The following PARD3B variants were observed in gnomAD, a reference collection of about 807,000 sequenced individuals.
The protein encoded by PARD3B is par-3 family cell polarity regulator beta, also known as partitioning defective 3 homolog B.
In PARD3B, 103 loss-of-function variants were observed where a neutral mutation model predicts 130.2. That is an observed-to-expected ratio of 0.79 (90% CI 0.67 to 0.93). The LOEUF is 0.93. PARD3B is among the 40% of genes least tolerant of loss of function. PARD3B has a pLI of 0.00. For missense variants in PARD3B, 1,609 were observed against 1,499.2 expected (o/e 1.07, Z -1.21); for synonymous variants, 583 against 553.2 (o/e 1.05, Z -0.76).
At chr2:205,156,240 C>A (rs849126) in intron 10 of PARD3B, among the ~76,000 whole-genome samples, 3 of 113,006 alleles carry the variant, frequency 2.7e-5, no homozygotes, top group African/African-American at 3.5e-5. Context: ...GGAAGGGGAA[C>A]ATCACACTCT....
chr2:205,371,545 G>A (rs937521280), intron 18 of PARD3B, among the ~76,000 whole-genome samples: 3 of 152,126 alleles, frequency 2.0e-5, no homozygotes, highest in African/African-American at 7.2e-5. Context: ...TCTGATTTGT[G>A]TACCTATCTA....
chr2:205,304,598 G>T (rs2042125020), intron 18 of PARD3B, among the ~76,000 whole-genome samples: 3 of 144,220 alleles, frequency 2.1e-5, no homozygotes, highest in African/African-American at 7.7e-5. Flanking sequence ...TTGCACCATT[G>T]TACTCCCGCC....
chr2:205,126,460 A>G (rs936620002), intron 10 of PARD3B, among the ~76,000 whole-genome samples: 9 of 152,142 alleles, frequency 5.9e-5, no homozygotes, highest in Non-Finnish European at 1.3e-4. Flanking sequence ...AGAAGTACTT[A>G]AAATGGTTTC....
At chr2:204,644,879 A>AAGGG (rs2035219295) in intron 1 of PARD3B, among the ~76,000 whole-genome samples, 1 of 152,214 alleles carries the variant, frequency 6.6e-6, no homozygotes. Context: ...AATAAACATA[A>AAGGG]ATGGCAAGTA....
intron 4 of PARD3B, among the ~76,000 whole-genome samples, chr2:205,080,840 A>G (rs549989913): frequency 6.6e-6 from 1 of 152,248 alleles, no homozygotes; most frequent in South Asian, 2.1e-4. Context: ...TTTATGGTAT[A>G]AAATTAGGTT....
At chr2:205,305,111 A>G (rs915144391) in intron 18 of PARD3B, among the ~76,000 whole-genome samples, 1 of 152,226 alleles carries the variant, frequency 6.6e-6, no homozygotes, top group African/African-American at 2.4e-5. Context: ...AAAAGACTGA[A>G]GAAAGCAGAA....
intron 2 of PARD3B, among the ~76,000 whole-genome samples, chr2:204,739,959 T>G (rs925904171): frequency 3.9e-5 from 6 of 151,960 alleles, no homozygotes; most frequent in Non-Finnish European, 7.4e-5. Context: ...TGTATTAGTT[T>G]CAAAGATATT....
intron 2 of PARD3B, among the ~76,000 whole-genome samples, chr2:204,803,043 A>C (rs781081557): frequency 6.6e-6 from 1 of 150,702 alleles, no homozygotes; most frequent in Admixed American, 6.6e-5. Flanking sequence ...GAAAGAAATG[A>C]AAGAAAATGC....
intron 1 of PARD3B, among the ~76,000 whole-genome samples, chr2:204,605,059 A>G (rs144458616): frequency 3.9e-4 from 60 of 152,270 alleles, no homozygotes; most frequent in South Asian, 1.0e-3. Flanking sequence ...GTACTACTTT[A>G]CAAGGTAACT....
chr2:204,898,004 A>T (rs1410579853), intron 2 of PARD3B, among the ~76,000 whole-genome samples: 3 of 152,076 alleles, frequency 2.0e-5, no homozygotes, highest in Non-Finnish European at 4.4e-5. Flanking sequence ...GAATAATGAA[A>T]AGCTCTGAAG....
intron 2 of PARD3B, among the ~76,000 whole-genome samples, chr2:204,770,325 C>G (rs2041309720): frequency 1.6e-5 from 2 of 128,868 alleles, no homozygotes; most frequent in Admixed American, 1.6e-4. Flanking sequence ...GAGTGAGATT[C>G]TTAATCCTGA....
Position 204,932,671 on chromosome 2 carries a change from A to C in PARD3B, c.223-32481A>C, listed in dbSNP as rs150235762. On this transcript the variant is annotated intron_variant, in intron 2 of 22. Transcript: ENST00000406610. The stretch of plus-strand genomic sequence containing the variant: ...AACGTAATAAACATTCTTTGGAAGT[A>C]AATGTGTCTAGGAATTGGACAGTAG... Among the ~76,000 whole-genome samples the C allele has an allele frequency of 3.2e-4, 49 of 152,324 alleles. No individual in the cohort carries two copies. In the East Asian group the frequency reaches 8.1e-3, roughly 25 times the overall value.
At chr2:204,588,641 C>CT (rs1391081931) in intron 1 of PARD3B, among the ~76,000 whole-genome samples, 2 of 152,228 alleles carry the variant, frequency 1.3e-5, no homozygotes, top group East Asian at 1.9e-4. Context: ...AGGTGCTTTT[C>CT]TTTTTCTTTT....
At chr2:205,080,010 T>A (rs1434437982) in intron 4 of PARD3B, among the ~76,000 whole-genome samples, 2 of 152,180 alleles carry the variant, frequency 1.3e-5, no homozygotes, top group Non-Finnish European at 2.9e-5. Flanking sequence ...GCCTTTTATC[T>A]GTGTACATTT....
chr2:204,846,766 T>C (rs1313206680), intron 2 of PARD3B, among the ~76,000 whole-genome samples: 3 of 151,452 alleles, frequency 2.0e-5, no homozygotes, highest in East Asian at 3.9e-4. Flanking sequence ...TACCTCCTTG[T>C]TGGATGAATG....
chr2:205,168,312 A>AGTGT lies in PARD3B; in HGVS notation c.1621-3898_1621-3897insTGTG, dbSNP rs1302070996. The stretch of plus-strand genomic sequence containing the variant: ...GGGAGAGAGAGAGAGAGAGAGAGAG[A>AGTGT]GAGAGAGAGTGTGTGTGTGTGAATA... On this transcript the variant is annotated intron_variant, in intron 11 of 22. Transcript: ENST00000406610. Among the ~76,000 whole-genome samples, 183 of 116,802 alleles carry AGTGT rather than the reference A, an allele frequency of 1.6e-3. 1 individual carries two copies. Among genetic ancestry groups the AGTGT allele is most frequent in the African/African-American group, 4.6e-3 (155 of 33,894 alleles). 76.6% of individuals were successfully genotyped at this position (116,802 alleles called of 152,430 possible).
At chr2:205,501,621 A>C (rs898434611) in intron 21 of PARD3B, among the ~76,000 whole-genome samples, 3 of 152,218 alleles carry the variant, frequency 2.0e-5, no homozygotes, top group Non-Finnish European at 2.9e-5. Context: ...TGTCCAGCGC[A>C]TTGAAAAGTG....
At chr2:205,257,063 T>C (rs1436460942) in intron 16 of PARD3B, among the ~76,000 whole-genome samples, 1 of 152,146 alleles carries the variant, frequency 6.6e-6, no homozygotes, top group Admixed American at 6.5e-5. Flanking sequence ...AGTCCTTTTT[T>C]AGAGGCCCAT....
rs138840670 is a variant in PARD3B at position 204,801,051 on chromosome 2, G to A, written c.222+114769G>A. 6.8e-3 allele frequency among the ~76,000 whole-genome samples: 1,032 copies of A among 152,200 alleles called. 10 individuals are homozygous for A. Among genetic ancestry groups the A allele is most frequent in the African/African-American group, 0.023 (937 of 41,524 alleles). On this transcript the variant is annotated intron_variant, in intron 2 of 22. Transcript: ENST00000406610. Reference sequence around the variant, plus strand: ...GTGTGGGGTCACTTCTGAGGCCTCTGTTCTGTTTCATTGGTCTACATATCT... The same window carrying A: ...GTGTGGGGTCACTTCTGAGGCCTCTATTCTGTTTCATTGGTCTACATATCT...
Sources: allele counts gnomAD v4.1 joint callset (sites outside exome capture counted in the v4.1 genomes callset), GRCh38; gene constraint gnomAD v4.1.1; transcripts MANE v1.5; gene names NCBI Gene and HGNC (gene_info 2026-07-23, HGNC 2026-07-21).